The following CNTROB variants were observed in gnomAD, a reference collection of about 807,000 sequenced individuals.
CNTROB encodes centrobin.
In CNTROB, 82 loss-of-function variants were observed where a neutral mutation model predicts 115.7. The observed-to-expected ratio is 0.71, with a 90% confidence interval of 0.59 to 0.85. The LOEUF is 0.85. CNTROB is among the 40% of genes least tolerant of loss of function. CNTROB has a pLI of 0.00. For synonymous variants in CNTROB, 439 were observed against 456.4 expected (o/e 0.96, Z 0.49); for missense variants, 1,014 against 1,144.4 (o/e 0.89, Z 1.64).
intron 9 of CNTROB, among the ~76,000 whole-genome samples, chr17:7,942,142 T>C (rs1973953043): frequency 7.0e-6 from 1 of 142,186 alleles, no homozygotes; most frequent in African/African-American, 2.6e-5. Context: ...TGGCACCAGC[T>C]TGTAGTCCCA....
At chr17:7,938,888 C>T (rs1424490709) in intron 7 of CNTROB, among the ~76,000 whole-genome samples, 1 of 152,214 alleles carries the variant, frequency 6.6e-6, no homozygotes, top group African/African-American at 2.4e-5. Context: ...AAGCAATTCT[C>T]CTGCCTCAGC....
In CNTROB at chr17:7,934,043, G is replaced by T; in HGVS notation, c.271-95G>T. ...TTATTGGATCCGTTTGGTTTTTCTT[G>T]TTTTCCAAAGTGCTGGAGTGAAAAT... is the stretch of plus-strand genomic sequence containing the variant. On this transcript the variant is annotated intron_variant, in intron 1 of 18. Transcript: ENST00000563694. 4 of 1,014,978 alleles carry T rather than the reference G, an allele frequency of 3.9e-6. No individual in the cohort carries two copies. The highest frequency in any genetic ancestry group is 1.5e-6 in the Non-Finnish European group (1 of 650,684). The allele number at this position is 1,014,978 out of a possible 1,614,324, so 62.9% of individuals were successfully genotyped here.
Position 7,948,945 on chromosome 17 carries a change from T to A in CNTROB, c.2514-140T>A. ...AACTCGTTATTTACTTCCACTAATG[T>A]CTCCTCCCAGTTGATGCCCAGGTCT... is the stretch of plus-strand genomic sequence containing the variant. On this transcript the variant is annotated intron_variant, in intron 17 of 18. Transcript: ENST00000563694. This position sits in a 1 kb window ranked among gnomAD's most constrained non-coding sequence, Gnocchi z 4.4. 6.4e-7 allele frequency: 1 copy of A among 1,550,738 alleles called. No individual in the cohort carries two copies. Among genetic ancestry groups the A allele is most frequent in the South Asian group, 1.2e-5 (1 of 81,818 alleles).
chr17:7,934,254 G>C, intron 2 of CNTROB, 32 bp downstream of exon 2: 1 of 1,591,242 alleles, frequency 6.3e-7, no homozygotes, highest in Non-Finnish European at 8.6e-7. Flanking sequence ...AACTATGAAG[G>C]AGAACCTAGA....
intron 12 of CNTROB, chr17:7,945,446 C>T (rs564380374): frequency 1.0e-3 from 337 of 325,644 alleles, no homozygotes; most frequent in Non-Finnish European, 1.5e-3. Flanking sequence ...TTGCCCAGAG[C>T]GCTCAAGCAA....
At position 7,949,445 on chromosome 17, in the gene CNTROB, G is replaced by A. The variant is rs769566469; in HGVS notation, c.2647G>A (p.Ala883Thr). ...AGCCCCCAAGACTGAAAAACCTCCC[G>A]CACGGAAGAAAAGTGGGCACCCTGC... The part of the protein sequence containing the change: ...ATAPKTEKPP[A>T]RKKSGHPAPS... The change falls in exon 19 of 19, where the codon GCA (alanine) becomes ACA (threonine). Residue 883 changes from alanine (A) to threonine (T), a missense_variant. Transcript: ENST00000563694. 1.4e-5 allele frequency: 23 copies of A among 1,613,882 alleles called. 1 individual carries two copies. The highest frequency in any genetic ancestry group is 6.6e-5 in the South Asian group (6 of 91,074).
At position 7,945,770 on chromosome 17, in the gene CNTROB, G is replaced by A. The variant is rs1311220350; in HGVS notation, c.1777G>A (p.Glu593Lys). The A allele has an allele frequency of 3.7e-6, 6 of 1,614,084 alleles. No individual in the cohort carries two copies. Among genetic ancestry groups the A allele is most frequent in the South Asian group, 1.1e-5 (1 of 91,088 alleles). Reference protein sequence around the residue: ...GPSSPGPQEPEKEERRVWTMP... With the variant: ...GPSSPGPQEPKKEERRVWTMP... ...CTCCAGCCCCGGGCCTCAGGAGCCC[G>A]AGAAGGAGGAGAGGAGGGTCTGGAC... The change falls in exon 13 of 19, where the codon GAG becomes AAG. Residue 593 changes from glutamate to lysine, a missense_variant. Coordinates refer to ENST00000563694, the MANE Select transcript of CNTROB (RefSeq NM_053051.5).
chr17:7,945,749 AG>A lies in CNTROB; in HGVS notation c.1757del (p.Ser586ThrfsTer24). 1 of 1,614,190 alleles carries A rather than the reference AG, an allele frequency of 6.2e-7. No homozygotes were observed. Among genetic ancestry groups the A allele is most frequent in the Non-Finnish European group, 8.5e-7 (1 of 1,180,022 alleles). ...NPPAPPAGPS[S>X]PGPQEPEKEE... ...TCAGGCTCCTCCTGCTGGACCCTCC[AG>A]CCCCGGGCCTCAGGAGCCCGAGAAG... On this transcript the variant is annotated frameshift_variant, in exon 13 of 19. Coordinates refer to ENST00000563694, the MANE Select transcript of CNTROB (RefSeq NM_053051.5). LOFTEE classifies it high-confidence loss of function.
At chr17:7,942,448 T>C (rs1237852151) in intron 9 of CNTROB, among the ~76,000 whole-genome samples, 2 of 151,514 alleles carry the variant, frequency 1.3e-5, no homozygotes, top group African/African-American at 4.9e-5. Context: ...ATACAAAAAA[T>C]TAGCTGGGCG....
chr17:7,941,371 G>A (rs781075169), intron 9 of CNTROB, among the ~76,000 whole-genome samples: 7 of 152,050 alleles, frequency 4.6e-5, no homozygotes, highest in East Asian at 1.9e-4. Context: ...AGGCCAAGGC[G>A]GGTGGATCAC....
Position 7,939,648 on chromosome 17 carries a change from C to T in CNTROB, c.1063C>T (p.Leu355=), listed in dbSNP as rs1598080926. 2 of 1,613,992 alleles carry T rather than the reference C, an allele frequency of 1.2e-6. No individual in the cohort carries two copies. The highest frequency in any genetic ancestry group is 2.7e-5 in the African/African-American group (2 of 74,974). ...HRELETLRAA[L]EEERQTWAQQ... is the part of the protein sequence containing the mutation. Reference sequence around the variant, plus strand: ...AGAGTTGGAGACTCTTCGGGCTGCCCTAGAAGAAGAACGGCAGACCTGGGC... The same window carrying T: ...AGAGTTGGAGACTCTTCGGGCTGCCTTAGAAGAAGAACGGCAGACCTGGGC... The change falls in exon 8 of 19, where the codon CTA becomes TTA. Residue 355 remains leucine (L), a synonymous_variant. Transcript: ENST00000563694. The surrounding 1 kb of genome is among the most constrained non-coding windows in gnomAD (Gnocchi z 4.4).
chr17:7,947,801 C>A, intron 14 of CNTROB, 79 bp downstream of exon 14: 1 of 1,605,874 alleles, frequency 6.2e-7, no homozygotes, highest in Non-Finnish European at 8.5e-7. Context: ...GAATCCAGGA[C>A]TCTGGCCTCA....
At position 7,949,109 on chromosome 17, in the gene CNTROB, C is replaced by T. The variant is rs756928372; in HGVS notation, c.2538C>T (p.Val846=). 6.2e-7 allele frequency: 1 copy of T among 1,614,008 alleles called. No homozygotes were observed. The highest frequency in any genetic ancestry group is 1.7e-5 in the Admixed American group (1 of 60,010). The change falls in exon 18 of 19, where the codon GTC becomes GTT. Residue 846 remains valine (V), a synonymous_variant. Coordinates refer to ENST00000563694, the MANE Select transcript of CNTROB (RefSeq NM_053051.5). The part of the protein sequence containing the change: ...HSGTDGRGDN[V]PRRNTDSRLG... Reference sequence around the variant, plus strand: ...GGACTGATGGCCGAGGGGATAATGTCCCCAGAAGGAACACAGACTCCCGCT... The same window carrying T: ...GGACTGATGGCCGAGGGGATAATGTTCCCAGAAGGAACACAGACTCCCGCT...
At chr17:7,942,565 C>G (rs1398503265) in intron 9 of CNTROB, among the ~76,000 whole-genome samples, 1 of 135,080 alleles carries the variant, frequency 7.4e-6, no homozygotes, top group Non-Finnish European at 1.5e-5. Flanking sequence ...CCACTGCACT[C>G]CAGCCTGGGT....
intron 13 of CNTROB, 22 bp downstream of exon 13, chr17:7,946,008 T>C: frequency 6.2e-7 from 1 of 1,610,016 alleles, no homozygotes; most frequent in Non-Finnish European, 8.5e-7. Context: ...CAGAAGTCAC[T>C]GGGGTTCCCC....
chr17:7,947,412 C>T (rs1458261939), intron 13 of CNTROB, among the ~76,000 whole-genome samples, 159 bp from the exon 14 acceptor site: 1 of 152,162 alleles, frequency 6.6e-6, no homozygotes, highest in Non-Finnish European at 1.5e-5. Context: ...CTTCCCTCTC[C>T]AGCTACTTTA....
At chr17:7,940,041 GT>G (rs999346919) in intron 8 of CNTROB, 54 bp from the exon 9 acceptor site, 2 of 1,516,824 alleles carry the variant, frequency 1.3e-6, no homozygotes, top group African/African-American at 2.8e-5. Flanking sequence ...GGGAGTGTAG[GT>G]AACCAGGAGA....
chr17:7,933,158 C>G lies in CNTROB; in HGVS notation c.79C>G (p.Leu27Val). ...LLSDSSEPPG[L>V]NQVSSEVTSQ... ...GAGTGATTCATCAGAACCCCCTGGGCTCAACCAAGTGTCGTCTGAAGTGAC... is the reference window on the plus strand; with the variant it reads ...GAGTGATTCATCAGAACCCCCTGGGGTCAACCAAGTGTCGTCTGAAGTGAC... The change falls in exon 1 of 19, where the codon CTC becomes GTC. Residue 27 changes from leucine to valine, a missense_variant. Transcript: ENST00000563694. The G allele has an allele frequency of 9.3e-6, 15 of 1,614,244 alleles. No homozygotes were observed. The highest frequency in any genetic ancestry group is 1.3e-5 in the Non-Finnish European group (15 of 1,180,030).
chr17:7,934,231 G>A lies in CNTROB; in HGVS notation c.355+9G>A, dbSNP rs747816735. ...ACGTGATACAGCCTATCGTGAGTAA[G>A]CCCCTTCCCTAGAACTATGAAGGAG... is the stretch of plus-strand genomic sequence containing the variant. On this transcript the variant is annotated intron_variant, in intron 2 of 18. Coordinates refer to ENST00000563694, the MANE Select transcript of CNTROB (RefSeq NM_053051.5). The A allele has an allele frequency of 5.6e-6, 9 of 1,612,016 alleles. No homozygotes were observed. Among genetic ancestry groups the A allele is most frequent in the Non-Finnish European group, 7.6e-6 (9 of 1,178,044 alleles).
Sources: gnomAD v4.1 joint callset for allele counts (sites outside exome capture counted in the v4.1 genomes callset) on GRCh38, gnomAD v4.1.1 for gene constraint, Gnocchi (gnomAD v3.1) non-coding constraint, MANE v1.5 for transcripts, NCBI Gene and HGNC (gene_info 2026-07-23, HGNC 2026-07-21) for gene names.